The following HDAC4 variants were observed in gnomAD, a reference collection of about 807,000 sequenced individuals.
HDAC4 encodes histone deacetylase A.
In HDAC4, 16 loss-of-function variants were observed where a neutral mutation model predicts 135.1. That is an observed-to-expected ratio of 0.12 (90% CI 0.08 to 0.18). The LOEUF is 0.18. HDAC4 is among the 10% of genes least tolerant of loss of function. The pLI, the probability that HDAC4 is intolerant of heterozygous loss-of-function variation, is 1.00. For missense variants in HDAC4, 1,143 were observed against 1,511.8 expected, an observed-to-expected ratio of 0.76 and a Z score of 4.05; for synonymous variants, 685 against 653.4, an observed-to-expected ratio of 1.05 and a Z score of -0.74.
intron 4 of HDAC4, among the ~76,000 whole-genome samples, chr2:239,180,543 T>C (rs1030858452): frequency 4.6e-4 from 70 of 152,214 alleles, no homozygotes; most frequent in African/African-American, 1.7e-3. Context: ...GTCCACGATG[T>C]TAAACGTAAC....
At chr2:239,153,492 TCA>T (rs974113683) in intron 7 of HDAC4, among the ~76,000 whole-genome samples, 6 of 150,080 alleles carry the variant, frequency 4.0e-5, no homozygotes, top group African/African-American at 1.5e-4. Context: ...ATGAGCGATG[TCA>T]TGTGTTTGAA....
rs561747884 is a variant in HDAC4, at chr2:239,292,297, G to A, written c.23-55633C>T. Among the ~76,000 whole-genome samples the A allele has an allele frequency of 4.6e-5, 7 of 152,350 alleles. No homozygotes were observed. In the South Asian group the frequency reaches 1.0e-3, roughly 23 times the overall value. The stretch of plus-strand genomic sequence containing the variant: ...CCCTGAGGTCACCTTCACCTGGTAC[G>A]GCAGAAGACAAGATGCCCTCACTCA... On this transcript the variant is annotated intron_variant, in intron 2 of 26. Coordinates refer to ENST00000543185, the MANE Select transcript of HDAC4 (RefSeq NM_001378414.1).
intron 4 of HDAC4, among the ~76,000 whole-genome samples, chr2:239,177,630 T>C (rs2043858247): frequency 1.3e-5 from 2 of 152,104 alleles, no homozygotes; most frequent in Non-Finnish European, 2.9e-5. Flanking sequence ...ATCTCATATT[T>C]CAAAAACTGA....
chr2:239,095,132 C>G, intron 16 of HDAC4, 76 bp from the exon 17 acceptor site: 1 of 1,519,032 alleles, frequency 6.6e-7, no homozygotes, highest in Admixed American at 1.7e-5. Context: ...GGGCGCACTC[C>G]GGGGTCTTCA....
chr2:239,221,458 A>C (rs1277606515), intron 3 of HDAC4, among the ~76,000 whole-genome samples: 1 of 152,186 alleles, frequency 6.6e-6, no homozygotes, highest in Non-Finnish European at 1.5e-5. Flanking sequence ...GTGTGGCAGG[A>C]GCTTCGGAGA....
intron 1 of HDAC4, among the ~76,000 whole-genome samples, chr2:239,362,886 T>A (rs1413546052): frequency 1.3e-5 from 2 of 152,168 alleles, no homozygotes; most frequent in Non-Finnish European, 2.9e-5. Context: ...TGATATAGTG[T>A]ATACACAGAA....
intron 1 of HDAC4, among the ~76,000 whole-genome samples, chr2:239,389,218 G>C (rs998116669): frequency 6.6e-6 from 1 of 152,128 alleles, no homozygotes; most frequent in South Asian, 2.1e-4. Context: ...GACAAATAAC[G>C]GAATAATAGC....
intron 3 of HDAC4, among the ~76,000 whole-genome samples, chr2:239,232,316 G>C (rs1296232643): frequency 5.9e-5 from 9 of 152,366 alleles, no homozygotes; most frequent in Middle Eastern, 3.4e-3. Flanking sequence ...AATCCTGTAT[G>C]ACATTTTGCT....
chr2:239,304,125 T>G (rs935629299), intron 2 of HDAC4, among the ~76,000 whole-genome samples: 2 of 152,218 alleles, frequency 1.3e-5, no homozygotes, highest in African/African-American at 2.4e-5. Flanking sequence ...CCTCTCTGAG[T>G]CAGCTTTCTT....
chr2:239,260,098 G>A (rs1460633653), intron 2 of HDAC4, among the ~76,000 whole-genome samples: 1 of 152,212 alleles, frequency 6.6e-6, no homozygotes, highest in Non-Finnish European at 1.5e-5. Flanking sequence ...TCTATAAGCT[G>A]AGCAATTCCT....
intron 2 of HDAC4, chr2:239,298,021 C>A (rs1475696284): frequency 2.4e-6 from 1 of 408,408 alleles, no homozygotes; most frequent in African/African-American, 2.1e-5. Flanking sequence ...TGAGAAGACA[C>A]CAAAAAAAGG....
At chr2:239,084,755 G>A in intron 19 of HDAC4, among the ~76,000 whole-genome samples, 1 of 110,024 alleles carries the variant, frequency 9.1e-6, no homozygotes, top group African/African-American at 3.6e-5. Flanking sequence ...ATACACCACA[G>A]ACACACACCC....
At chr2:239,369,347 G>A (rs190508452) in intron 1 of HDAC4, among the ~76,000 whole-genome samples, 73 of 152,250 alleles carry the variant, frequency 4.8e-4, no homozygotes, top group African/African-American at 1.7e-3. Flanking sequence ...GCAGCAAGCC[G>A]ACTGCCCGGC....
At chr2:239,112,603 G>C (rs1241956623) in intron 13 of HDAC4, among the ~76,000 whole-genome samples, 2 of 152,150 alleles carry the variant, frequency 1.3e-5, no homozygotes, top group Non-Finnish European at 2.9e-5. Context: ...GGGATTCTGG[G>C]AACAGGCTGA....
Position 239,053,557 on chromosome 2 carries a change from G to A in HDAC4, c.3133C>T (p.Arg1045Cys), listed in dbSNP as rs763458991. The A allele has an allele frequency of 2.4e-5, 38 of 1,613,766 alleles. No homozygotes were observed. The highest frequency in any genetic ancestry group is 6.7e-5 in the East Asian group (3 of 44,876). Residue 1045 changes from arginine to cysteine, a missense_variant, in exon 26 of 27, where the codon CGT becomes TGT. Arg to Cys is a radical substitution (Grantham distance 180, BLOSUM62 -3). Around this residue, in one of 9 missense-constraint regions of HDAC4, gnomAD observed 131 missense variants for 130.6 expected, o/e 1.00. Transcript: ENST00000543185. ...CAAGTCTGAGCCTCGATCAGAGAAC[G>A]CCCCGCTGTGGAGGTTGTGCGCTGC... ...CLQRTTSTAG[R>C]SLIEAQTCEN...
At chr2:239,168,493 T>A (rs983964651) in intron 5 of HDAC4, among the ~76,000 whole-genome samples, 1 of 152,196 alleles carries the variant, frequency 6.6e-6, no homozygotes, top group Non-Finnish European at 1.5e-5. Flanking sequence ...CAGAATTATT[T>A]AAAATTAAAA....
intron 1 of HDAC4, among the ~76,000 whole-genome samples, chr2:239,391,839 GC>G: frequency 6.6e-6 from 1 of 152,062 alleles, no homozygotes; most frequent in South Asian, 2.1e-4. Flanking sequence ...GCCCTCCGCA[GC>G]TCCCACGTGC....
intron 1 of HDAC4, among the ~76,000 whole-genome samples, chr2:239,396,523 T>C (rs530220955): frequency 6.6e-6 from 1 of 152,320 alleles, no homozygotes; most frequent in African/African-American, 2.4e-5. Flanking sequence ...TGATTAGTAA[T>C]GCTAACCTTT....
chr2:239,228,232 A>C (rs2047353275), intron 3 of HDAC4, among the ~76,000 whole-genome samples: 1 of 152,160 alleles, frequency 6.6e-6, no homozygotes, highest in African/African-American at 2.4e-5. Context: ...CCGGGACACC[A>C]GGTGAGGAGC....
Sources: allele counts gnomAD v4.1 joint callset (sites outside exome capture counted in the v4.1 genomes callset), GRCh38; gene constraint gnomAD v4.1.1; regional missense constraint gnomAD v4.1.1; transcripts MANE v1.5; gene names NCBI Gene and HGNC (gene_info 2026-07-23, HGNC 2026-07-21).